EML6: variants seen among roughly 807,000 people sequenced by gnomAD.
EML6 encodes the protein echinoderm microtubule-associated protein-like 6.
In EML6, 154 loss-of-function variants were observed where a neutral mutation model predicts 240.1. The ratio of observed to expected loss-of-function variants is 0.64; its 90% CI spans 0.56 to 0.73. The LOEUF is 0.73. EML6 is among the 30% of genes least tolerant of loss of function. The pLI, the probability that EML6 is intolerant of heterozygous loss-of-function variation, is 0.00. For missense variants in EML6, 2,964 were observed against 2,474.6 expected (o/e 1.20, Z -4.20); for synonymous variants, 1,148 against 899.0 (o/e 1.28, Z -4.95).
At chr2:54,929,072 T>C (rs1674717519) in intron 28 of EML6, among the ~76,000 whole-genome samples, 1 of 152,220 alleles carries the variant, frequency 6.6e-6, no homozygotes, top group Non-Finnish European at 1.5e-5. Context: ...CTGTGGCAGC[T>C]GACAGGAAAG....
intron 28 of EML6, among the ~76,000 whole-genome samples, chr2:54,936,987 T>C (rs938317034): frequency 5.7e-4 from 86 of 150,652 alleles, no homozygotes; most frequent in African/African-American, 2.1e-3. Context: ...TTTTTTTTTT[T>C]TTAAAGTCTG....
chr2:54,958,669 A>G lies in EML6; in HGVS notation c.4696-435A>G, dbSNP rs78227986. Among the ~76,000 whole-genome samples the G allele has an allele frequency of 6.8e-3, 1,036 of 152,176 alleles. 9 individuals are homozygous for G. Among genetic ancestry groups the G allele is most frequent in the African/African-American group, 0.02 (810 of 41,518 alleles). The stretch of plus-strand genomic sequence containing the variant: ...CCCTCTTGTGCCACAGATGCCCCCA[A>G]TTACCACCCTTAAGTGGGCTATGGG... On this transcript the variant is annotated intron_variant, in intron 33 of 41. Transcript: ENST00000356458.
chr2:54,763,644 A>G (rs982127627), intron 2 of EML6, among the ~76,000 whole-genome samples: 2 of 152,238 alleles, frequency 1.3e-5, no homozygotes, highest in Admixed American at 6.5e-5. Context: ...TCTCCAAGTC[A>G]TAGAAAATAT....
At chr2:54,759,687 C>T (rs919830695) in intron 2 of EML6, among the ~76,000 whole-genome samples, 1 of 151,884 alleles carries the variant, frequency 6.6e-6, no homozygotes, top group Non-Finnish European at 1.5e-5. Context: ...TGGATTTATA[C>T]CAACACATCT....
At chr2:54,890,795 T>G (rs1672425607) in intron 17 of EML6, among the ~76,000 whole-genome samples, 1 of 152,220 alleles carries the variant, frequency 6.6e-6, no homozygotes, top group Admixed American at 6.5e-5. Flanking sequence ...ACAATATGTT[T>G]TAAATATTTC....
In EML6 at chr2:54,895,086, C is replaced by T. The variant is rs1169357903; in HGVS notation, c.2854+60C>T. 7 of 1,405,786 alleles carry T rather than the reference C, an allele frequency of 5.0e-6. No individual in the cohort carries two copies. In the Admixed American group the frequency reaches 8.1e-5, roughly 16 times the overall value. 87.1% of individuals were successfully genotyped at this position (1,405,786 alleles called of 1,614,324 possible). On this transcript the variant is annotated intron_variant, in intron 20 of 41. Coordinates refer to ENST00000356458, the MANE Select transcript of EML6 (RefSeq NM_001039753.4). The stretch of plus-strand genomic sequence containing the variant: ...ATTCATAGGGATGGAGAAGATTGTA[C>T]TAAAGTTTTTAGAAAACTATTAGCA...
chr2:54,886,466 G>A (rs1304696180), intron 17 of EML6, among the ~76,000 whole-genome samples: 1 of 152,070 alleles, frequency 6.6e-6, no homozygotes, highest in Admixed American at 6.5e-5. Flanking sequence ...CACCGCGTCT[G>A]GCCTCTTTCT....
Position 54,964,569 on chromosome 2 carries a change from AG to A in EML6, c.5331-1del. Reference sequence around the variant, plus strand: ...ACTCTGCTCTCGGATTGCTTTTTCTAGAATCAGCCCAGACAACCGATTCTTA... The same window carrying A: ...ACTCTGCTCTCGGATTGCTTTTTCTAAATCAGCCCAGACAACCGATTCTTA... On this transcript the variant is annotated splice_acceptor_variant, in intron 37 of 41. Coordinates refer to ENST00000356458, the MANE Select transcript of EML6 (RefSeq NM_001039753.4). LOFTEE classifies it high-confidence loss of function. The A allele has an allele frequency of 6.4e-7, 1 of 1,552,206 alleles. No individual in the cohort carries two copies. The highest frequency in any genetic ancestry group is 8.7e-7 in the Non-Finnish European group (1 of 1,147,062).
chr2:54,787,902 C>T (rs747845619), intron 2 of EML6, among the ~76,000 whole-genome samples: 1 of 152,156 alleles, frequency 6.6e-6, no homozygotes, highest in South Asian at 2.1e-4. Context: ...GTTGTACACA[C>T]CCCGTCCCCC....
intron 25 of EML6, among the ~76,000 whole-genome samples, chr2:54,916,137 C>G (rs186966940): frequency 1.3e-5 from 2 of 152,312 alleles, no homozygotes; most frequent in East Asian, 3.9e-4. Flanking sequence ...GGATATTAAG[C>G]TTGCTGCAGA....
intron 7 of EML6, among the ~76,000 whole-genome samples, chr2:54,839,235 C>G (rs1201021571): frequency 2.0e-5 from 3 of 152,198 alleles, no homozygotes; most frequent in Non-Finnish European, 4.4e-5. Flanking sequence ...CTGTGTGGTT[C>G]TCTTTACCAC....
At chr2:54,757,168 T>G (rs1667771276) in intron 2 of EML6, among the ~76,000 whole-genome samples, 1 of 152,172 alleles carries the variant, frequency 6.6e-6, no homozygotes, top group Admixed American at 6.5e-5. Flanking sequence ...CTTCCTTTTC[T>G]CTGTCACCTC....
intron 7 of EML6, among the ~76,000 whole-genome samples, chr2:54,840,676 G>T (rs1352238000): frequency 6.6e-6 from 1 of 152,148 alleles, no homozygotes; most frequent in Non-Finnish European, 1.5e-5. Context: ...TCAAATATTT[G>T]ATTTTGATGT....
intron 15 of EML6, 69 bp from the exon 16 acceptor site, chr2:54,871,431 A>T (rs1029083570): frequency 1.7e-6 from 2 of 1,197,594 alleles, no homozygotes; most frequent in African/African-American, 3.0e-5. Flanking sequence ...GCAGTGTTGG[A>T]CTCTAAGGAA....
chr2:54,791,182 T>C (rs981511717), intron 2 of EML6, among the ~76,000 whole-genome samples: 1 of 151,972 alleles, frequency 6.6e-6, no homozygotes, highest in Non-Finnish European at 1.5e-5. Flanking sequence ...TTTTCAGCTT[T>C]ATTTCCTGCT....
intron 30 of EML6, among the ~76,000 whole-genome samples, chr2:54,952,051 G>A (rs1676008150): frequency 1.3e-5 from 2 of 152,194 alleles, no homozygotes; most frequent in African/African-American, 2.4e-5. Context: ...TCGAGTTAGG[G>A]CTTTCCAGGG....
At chr2:54,951,946 T>C (rs1444532329) in intron 30 of EML6, among the ~76,000 whole-genome samples, 1 of 152,162 alleles carries the variant, frequency 6.6e-6, no homozygotes, top group Non-Finnish European at 1.5e-5. Flanking sequence ...TCTTGAGCAT[T>C]TGGGTGGGTT....
intron 3 of EML6, 147 bp downstream of exon 3, chr2:54,813,538 C>G: frequency 1.4e-6 from 1 of 725,304 alleles, no homozygotes; most frequent in Non-Finnish European, 2.3e-6. Flanking sequence ...TGTTTTTTCC[C>G]CTTTAAAGCT....
chr2:54,938,312 AAGTT>A lies in EML6; in HGVS notation c.4004+9564_4004+9567del, dbSNP rs778884772. Among the ~76,000 whole-genome samples, 30 of 152,308 alleles carry A rather than the reference AAGTT, an allele frequency of 2.0e-4. No homozygotes were observed. In the South Asian group the frequency reaches 4.1e-3, roughly 21 times the overall value. On this transcript the variant is annotated intron_variant, in intron 28 of 41. Transcript: ENST00000356458. ...AAGAGCAAAACTCCATCTCAAAAAAAAGTTAGATGAAGTTTCTGTAATTTTAGGG... is the reference window on the plus strand; with the variant it reads ...AAGAGCAAAACTCCATCTCAAAAAAAAGATGAAGTTTCTGTAATTTTAGGG...
Sources: gnomAD v4.1 joint callset for allele counts (sites outside exome capture counted in the v4.1 genomes callset) on GRCh38, gnomAD v4.1.1 for gene constraint, MANE v1.5 for transcripts, NCBI Gene and HGNC (gene_info 2026-07-23, HGNC 2026-07-21) for gene names.